CNDP2: variants seen among roughly 807,000 people sequenced by gnomAD.
CNDP2 encodes cytosolic non-specific dipeptidase.
CNDP2 carries 38 observed loss-of-function variants against 55.0 expected under a neutral mutation model. The observed-to-expected ratio is 0.69, with a 90% CI of 0.53 to 0.90. The LOEUF is 0.90. Among genes scored for constraint, CNDP2 ranks in the 40% least tolerant of loss-of-function variants. The probability of loss-of-function intolerance (pLI) is 0.00; values close to 1 mark genes in which losing one functional copy is unlikely to be tolerated. For missense variants in CNDP2, 607 were observed against 621.7 expected (o/e 0.98, Z 0.25); for synonymous variants, 241 against 260.2 (o/e 0.93, Z 0.71).
chr18:74,516,433 T>G (rs1184746316), intron 9 of CNDP2, 41 bp downstream of exon 9: 5 of 1,562,188 alleles, frequency 3.2e-6, no homozygotes, highest in Non-Finnish European at 3.5e-6. Flanking sequence ...CAAGAGCTAC[T>G]GTGTCCGGGC....
rs1568281463 is a variant in CNDP2 at position 74,513,556 on chromosome 18, C to T, written c.743-3C>T. ...TGCTGTAACCCTCTCCGGCTTCCCT[C>T]AGGCTCTTTGGTGGACAAGAGGGGG... On this transcript the variant is annotated splice_region_variant and splice_polypyrimidine_tract_variant and intron_variant, in intron 7 of 11. Transcript: ENST00000324262. The T allele has an allele frequency of 1.9e-6, 3 of 1,610,848 alleles. No individual in the cohort carries two copies. Among genetic ancestry groups the T allele is most frequent in the Non-Finnish European group, 2.5e-6 (3 of 1,178,976 alleles).
rs750789500 is a variant in CNDP2, at chr18:74,510,929, C to T, written c.573C>T (p.Val191=). 1 of 1,614,194 alleles carries T rather than the reference C, an allele frequency of 6.2e-7. No individual in the cohort carries two copies. The highest frequency in any genetic ancestry group is 8.5e-7 in the Non-Finnish European group (1 of 1,180,020). The change falls in exon 6 of 12, where the codon GTC becomes GTT. Residue 191 remains valine, a synonymous_variant. Coordinates refer to ENST00000324262, the MANE Select transcript of CNDP2 (RefSeq NM_018235.3). ...CATTCTTTAAGGATGTGGACTATGT[C>T]TGCATTTCTGACAATTACTGGCTGG... ...KDTFFKDVDY[V]CISDNYWLGK...
chr18:74,499,806 T>A (rs1978589243), intron 1 of CNDP2, 76 bp from the exon 2 acceptor site: 2 of 514,268 alleles, frequency 3.9e-6, no homozygotes, highest in East Asian at 6.3e-5. Flanking sequence ...CTGGAGCGTC[T>A]CTGGCTGGGT....
intron 11 of CNDP2, 60 bp from the exon 12 acceptor site, chr18:74,519,939 C>A: frequency 6.6e-7 from 1 of 1,520,304 alleles, no homozygotes. Flanking sequence ...AGGAGTCACC[C>A]CACACCTGGG....
At chr18:74,507,171 C>G (rs1336586480) in intron 4 of CNDP2, 2 of 152,294 alleles carry the variant, frequency 1.3e-5, no homozygotes, top group Non-Finnish European at 2.9e-5. Flanking sequence ...GGGCGCCCCT[C>G]CAGCGTCAGA....
At chr18:74,508,778 G>T in intron 4 of CNDP2, 62 bp from the exon 5 acceptor site, 1 of 1,381,914 alleles carries the variant, frequency 7.2e-7, no homozygotes. Flanking sequence ...GTGCACCTGA[G>T]ACACGCTGCT....
chr18:74,499,012 T>C (rs1978547667), intron 1 of CNDP2, among the ~76,000 whole-genome samples: 1 of 152,174 alleles, frequency 6.6e-6, no homozygotes, highest in African/African-American at 2.4e-5. Flanking sequence ...GAAATCACTT[T>C]GAAAGCCTAT....
intron 9 of CNDP2, chr18:74,518,151 C>T: frequency 5.9e-6 from 1 of 170,214 alleles, no homozygotes; most frequent in East Asian, 1.6e-4. Flanking sequence ...GTCCCAGCTG[C>T]TCAGAGAGGC....
At chr18:74,505,716 C>T (rs1978974435) in intron 3 of CNDP2, 133 bp from the exon 4 acceptor site, 1 of 902,518 alleles carries the variant, frequency 1.1e-6, no homozygotes, top group African/African-American at 1.7e-5. Flanking sequence ...GAACAGTGTG[C>T]TCTTAAACTC....
At chr18:74,499,803 G>C (rs111645523) in intron 1 of CNDP2, 79 bp from the exon 2 acceptor site, 1 of 501,048 alleles carries the variant, frequency 2.0e-6, no homozygotes, top group East Asian at 3.2e-5. Flanking sequence ...TTCCTGGAGC[G>C]TCTCTGGCTG....
chr18:74,518,693 C>T (rs1979865366), intron 10 of CNDP2, 53 bp downstream of exon 10: 2 of 1,609,736 alleles, frequency 1.2e-6, no homozygotes, highest in East Asian at 2.2e-5. Context: ...GCACGTCTGA[C>T]AGGACTCTGC....
intron 3 of CNDP2, among the ~76,000 whole-genome samples, chr18:74,504,438 C>T (rs1251718983): frequency 6.6e-6 from 1 of 152,256 alleles, no homozygotes; most frequent in Non-Finnish European, 1.5e-5. Flanking sequence ...TTACTGGGAA[C>T]ACAAATCCTG....
At chr18:74,497,390 C>T (rs1387073530) in intron 1 of CNDP2, 2 of 152,202 alleles carry the variant, frequency 1.3e-5, no homozygotes, top group Non-Finnish European at 2.9e-5. Context: ...GGGACAGGGA[C>T]TGAGATTCTC....
intron 1 of CNDP2, 185 bp from the exon 2 acceptor site, chr18:74,499,697 G>A (rs550014535): frequency 2.6e-5 from 10 of 387,026 alleles, no homozygotes; most frequent in African/African-American, 1.4e-4. Flanking sequence ...CATCTGACAC[G>A]GAATTTTGTG....
intron 9 of CNDP2, 80 bp downstream of exon 9, chr18:74,516,472 C>G (rs770990664): frequency 1.2e-5 from 17 of 1,376,592 alleles, no homozygotes; most frequent in South Asian, 1.5e-5. Flanking sequence ...GGCTGTTACT[C>G]GACAGACACC....
intron 9 of CNDP2, chr18:74,516,760 G>A (rs11873122): frequency 0.054 from 9,844 of 183,374 alleles, 605 homozygotes; most frequent in African/African-American, 0.16. Context: ...GCTTCTGACT[G>A]TCCCCCTCAG....
Position 74,520,049 on chromosome 18 carries a change from T to C in CNDP2, c.1409T>C (p.Val470Ala). The change falls in exon 12 of 12, where the codon GTC becomes GCC. Residue 470 changes from valine (V) to alanine (A), a missense_variant. Val to Ala is a moderately conservative substitution (Grantham distance 64). Coordinates refer to ENST00000324262, the MANE Select transcript of CNDP2 (RefSeq NM_018235.3). ...ATGCTGGCCGCGTACCTGTATGAGG[T>C]CTCCCAGCTGAAGGACTAGGCCAAG... is the stretch of plus-strand genomic sequence containing the variant. ...TKMLAAYLYE[V>A]SQLKD is the part of the protein sequence containing the mutation. The C allele has an allele frequency of 6.2e-7, 1 of 1,614,026 alleles. No homozygotes were observed. The highest frequency in any genetic ancestry group is 8.5e-7 in the Non-Finnish European group (1 of 1,179,982).
intron 5 of CNDP2, among the ~76,000 whole-genome samples, chr18:74,510,210 G>A (rs1270940274): frequency 1.3e-5 from 2 of 152,254 alleles, no homozygotes; most frequent in Non-Finnish European, 2.9e-5. Context: ...AGCCTGGGTG[G>A]TCGTGAAATA....
intron 6 of CNDP2, chr18:74,512,004 A>T: frequency 6.4e-6 from 1 of 157,248 alleles, no homozygotes; most frequent in Non-Finnish European, 1.4e-5. Flanking sequence ...GCAGGCGAGG[A>T]GGCCGGGCAC....
Sources: gnomAD v4.1 joint callset for allele counts (sites outside exome capture counted in the v4.1 genomes callset) on GRCh38, gnomAD v4.1.1 for gene constraint, MANE v1.5 for transcripts, NCBI Gene and HGNC (gene_info 2026-07-23, HGNC 2026-07-21) for gene names.